The following EYA2 variants were observed in gnomAD, a reference collection of about 807,000 sequenced individuals.
The protein encoded by EYA2 is protein phosphatase EYA2.
EYA2 carries 31 observed loss-of-function variants against 69.2 expected under a neutral mutation model. The observed-to-expected ratio is 0.45, with a 90% CI of 0.34 to 0.60. The LOEUF is 0.60. Ranked by LOEUF, EYA2 falls within the 20% of genes least tolerant of loss-of-function variation. The probability of loss-of-function intolerance (pLI) is 0.02; values close to 1 mark genes in which losing one functional copy is unlikely to be tolerated. For missense variants in EYA2, 622 were observed against 701.2 expected, an observed-to-expected ratio of 0.89 and a Z score of 1.28; for synonymous variants, 257 against 279.4, an observed-to-expected ratio of 0.92 and a Z score of 0.80.
At chr20:46,998,582 C>T (rs560572809) in intron 2 of EYA2, 1 of 152,202 alleles carries the variant, frequency 6.6e-6, no homozygotes, top group Middle Eastern at 3.4e-3. Flanking sequence ...GAATCTCCAC[C>T]CTTGACAGTG....
chr20:47,052,922 A>G (rs112576682), intron 5 of EYA2, among the ~76,000 whole-genome samples: 2 of 152,138 alleles, frequency 1.3e-5, no homozygotes, highest in African/African-American at 2.4e-5. Flanking sequence ...TTCACAGTAT[A>G]AGACTGAGAC....
intron 9 of EYA2, among the ~76,000 whole-genome samples, chr20:47,103,345 AG>A (rs1352808798): frequency 6.6e-6 from 1 of 152,190 alleles, no homozygotes; most frequent in Admixed American, 6.5e-5. Context: ...TTTCATATAA[AG>A]GGAATCACAC....
intron 8 of EYA2, 139 bp downstream of exon 8, chr20:47,089,520 G>GA: frequency 9.8e-7 from 1 of 1,021,770 alleles, no homozygotes; most frequent in East Asian, 2.6e-5. Context: ...AGGGAAGCAT[G>GA]AGGTTGTCCA....
chr20:47,070,011 A>G (rs896236841), intron 5 of EYA2, among the ~76,000 whole-genome samples: 2 of 152,192 alleles, frequency 1.3e-5, no homozygotes, highest in Non-Finnish European at 2.9e-5. Context: ...ACCTTGAATT[A>G]GGCAACAAAA....
intron 5 of EYA2, among the ~76,000 whole-genome samples, chr20:47,016,653 G>A (rs1160468671): frequency 6.6e-6 from 1 of 152,162 alleles, no homozygotes; most frequent in Non-Finnish European, 1.5e-5. Flanking sequence ...AGATGACATT[G>A]GGCAGAATCC....
intron 1 of EYA2, among the ~76,000 whole-genome samples, chr20:46,907,641 C>T (rs1446384999): frequency 6.6e-6 from 1 of 152,220 alleles, no homozygotes; most frequent in African/African-American, 2.4e-5. Flanking sequence ...AAGTTCGAGA[C>T]CAGCCTGGCC....
intron 1 of EYA2, among the ~76,000 whole-genome samples, chr20:46,979,101 A>G (rs980017126): frequency 6.6e-6 from 1 of 152,194 alleles, no homozygotes; most frequent in Non-Finnish European, 1.5e-5. Context: ...CCGACTGGCC[A>G]TCTGTCCTCT....
intron 9 of EYA2, among the ~76,000 whole-genome samples, chr20:47,111,305 C>T (rs1172300672): frequency 9.3e-6 from 1 of 107,676 alleles, no homozygotes; most frequent in Non-Finnish European, 2.0e-5. Flanking sequence ...GCTGTGTTAT[C>T]AGTTAGCTAC....
Position 47,099,189 on chromosome 20 carries a change from T to C in EYA2, c.888+2021T>C, listed in dbSNP as rs139604090. On this transcript the variant is annotated intron_variant, in intron 9 of 15. Coordinates refer to ENST00000327619, the MANE Select transcript of EYA2 (RefSeq NM_005244.5). ...CTGGGATATTTACCTGCAAATTCCC[T>C]TCCATTAAGCGTTGAAGGCTTTTCC... Among the ~76,000 whole-genome samples, 128 of 152,346 alleles carry C rather than the reference T, an allele frequency of 8.4e-4. 1 individual carries two copies. The highest frequency in any genetic ancestry group is 2.9e-3 in the African/African-American group (122 of 41,598).
intron 10 of EYA2, among the ~76,000 whole-genome samples, chr20:47,150,431 G>C (rs2033800261): frequency 6.6e-6 from 1 of 152,186 alleles, no homozygotes; most frequent in South Asian, 2.1e-4. Flanking sequence ...CAGAAAGGCA[G>C]CTCTTCCATG....
chr20:46,901,266 C>T (rs1984092057), intron 1 of EYA2: 1 of 152,174 alleles, frequency 6.6e-6, no homozygotes, highest in Admixed American at 6.5e-5. Flanking sequence ...AAGTCAGAAG[C>T]TGAAAATAAA....
intron 10 of EYA2, among the ~76,000 whole-genome samples, chr20:47,156,089 TACACACACACAC>T (rs748282079): frequency 9.7e-5 from 3 of 30,966 alleles, no homozygotes; most frequent in African/African-American, 2.1e-4. Context: ...TATATATACA[TACACACACACAC>T]ACACACACAC....
intron 10 of EYA2, among the ~76,000 whole-genome samples, chr20:47,163,590 C>T (rs1400053093): frequency 6.6e-6 from 1 of 150,482 alleles, no homozygotes; most frequent in Non-Finnish European, 1.5e-5. Flanking sequence ...CCCAGCTACT[C>T]AGAAGGCTGA....
chr20:47,079,494 C>A (rs907402323), intron 7 of EYA2, among the ~76,000 whole-genome samples: 1 of 152,150 alleles, frequency 6.6e-6, no homozygotes, highest in Non-Finnish European at 1.5e-5. Context: ...CTCCTGCCCC[C>A]GACCCCTTAT....
At chr20:46,997,001 G>A (rs898760168) in intron 2 of EYA2, among the ~76,000 whole-genome samples, 3 of 152,180 alleles carry the variant, frequency 2.0e-5, no homozygotes, top group African/African-American at 7.2e-5. Flanking sequence ...TGCCATCAGT[G>A]GAAGCTCTTT....
chr20:47,096,326 A>G (rs2032245857), intron 8 of EYA2, among the ~76,000 whole-genome samples: 1 of 152,244 alleles, frequency 6.6e-6, no homozygotes, highest in South Asian at 2.1e-4. Flanking sequence ...TAAAATTGAC[A>G]TAGGCAGAGT....
At chr20:47,023,515 CCTCCCA>C (rs1983881381) in intron 5 of EYA2, among the ~76,000 whole-genome samples, 1 of 152,130 alleles carries the variant, frequency 6.6e-6, no homozygotes, top group Non-Finnish European at 1.5e-5. Context: ...CACACCACTA[CCTCCCA>C]CTCCAAGTTC....
rs889514623 is a variant in EYA2 at position 47,046,506 on chromosome 20, G to A, written c.416-25679G>A. The stretch of plus-strand genomic sequence containing the variant: ...CACAGAGCAGTGTCAGCTGTGGGCT[G>A]CCCACCAGAATTCCCAGCCCTCATC... On this transcript the variant is annotated intron_variant, in intron 5 of 15. Coordinates refer to ENST00000327619, the MANE Select transcript of EYA2 (RefSeq NM_005244.5). Among the ~76,000 whole-genome samples the A allele has an allele frequency of 2.6e-5, 4 of 152,170 alleles. No homozygotes were observed. In the East Asian group the frequency reaches 7.7e-4, roughly 29 times the overall value.
intron 1 of EYA2, among the ~76,000 whole-genome samples, chr20:46,930,313 A>G (rs1000259781): frequency 1.3e-5 from 2 of 152,250 alleles, no homozygotes; most frequent in Admixed American, 6.5e-5. Context: ...GCTGCCCTTT[A>G]CTGGATTCTG....
Sources: allele counts gnomAD v4.1 joint callset (sites outside exome capture counted in the v4.1 genomes callset), GRCh38; gene constraint gnomAD v4.1.1; transcripts MANE v1.5; gene names NCBI Gene and HGNC (gene_info 2026-07-23, HGNC 2026-07-21).